Variants in AK7 observed in about 807,000 individuals in gnomAD.
AK7 encodes the protein adenylate kinase 7.
In AK7, 78 loss-of-function variants were observed where a neutral mutation model predicts 96.6. The observed-to-expected ratio is 0.81, with a 90% CI of 0.67 to 0.97. The LOEUF (loss-of-function observed/expected upper bound fraction) is 0.97. Ranked by LOEUF, AK7 falls within the 50% of genes least tolerant of loss-of-function variation. AK7 has a pLI of 0.00. For missense variants in AK7, 855 were observed against 887.9 expected (o/e 0.96, Z 0.47); for synonymous variants, 302 against 317.2 (o/e 0.95, Z 0.51).
At chr14:96,471,780 A>G (rs1325230403) in intron 13 of AK7, among the ~76,000 whole-genome samples, 174 bp downstream of exon 13, 1 of 148,066 alleles carries the variant, frequency 6.8e-6, no homozygotes, top group Non-Finnish European at 1.5e-5. Flanking sequence ...TTCCCCCTGG[A>G]TGGTGGCTCA....
intron 7 of AK7, among the ~76,000 whole-genome samples, chr14:96,444,678 C>T (rs1169441825): frequency 6.6e-6 from 1 of 151,932 alleles, no homozygotes; most frequent in Admixed American, 6.6e-5. Context: ...CAAAAAGTAG[C>T]CTAAAGTAAC....
intron 10 of AK7, among the ~76,000 whole-genome samples, chr14:96,452,489 T>C (rs1893662638): frequency 6.6e-6 from 1 of 151,614 alleles, no homozygotes; most frequent in Non-Finnish European, 1.5e-5. Flanking sequence ...TCACATCTGG[T>C]TAATTTTTGT....
At chr14:96,452,209 C>T (rs571047722) in intron 10 of AK7, among the ~76,000 whole-genome samples, 2 of 152,250 alleles carry the variant, frequency 1.3e-5, no homozygotes, top group South Asian at 4.1e-4. Context: ...ATGGCTAAAT[C>T]GAGCTAATTA....
chr14:96,483,058 A>T lies in AK7; in HGVS notation c.1813A>T (p.Ile605Phe), dbSNP rs903372294. ...RLAIKQLIKE[I>F]GEPRNYGLTD... ...TGCTATCAAACAGCTCATCAAAGAG[A>T]TTGGGGAGCCTCGAAATTATGGTTT... is the stretch of plus-strand genomic sequence containing the variant. The change falls in exon 16 of 18, where the codon ATT (isoleucine) becomes TTT (phenylalanine). Residue 605 changes from isoleucine (I) to phenylalanine (F), a missense_variant. Physicochemically the swap from Ile to Phe is conservative, Grantham distance 21. Coordinates refer to ENST00000267584, the MANE Select transcript of AK7 (RefSeq NM_152327.5). The T allele has an allele frequency of 6.2e-7, 1 of 1,614,084 alleles. No homozygotes were observed. Among genetic ancestry groups the T allele is most frequent in the African/African-American group, 1.3e-5 (1 of 74,942 alleles).
intron 14 of AK7, among the ~76,000 whole-genome samples, chr14:96,477,750 A>C (rs1895264676): frequency 6.6e-6 from 1 of 152,262 alleles, no homozygotes; most frequent in African/African-American, 2.4e-5. Context: ...TTTCATAGCC[A>C]ATGGCATTGA....
At position 96,489,074 on chromosome 14, in the gene AK7, A is replaced by G. The variant is rs974668449; in HGVS notation, c.*731A>G. On this transcript the variant is annotated 3_prime_UTR_variant, in exon 18 of 18. Coordinates refer to ENST00000267584, the MANE Select transcript of AK7 (RefSeq NM_152327.5). Reference sequence around the variant, plus strand: ...TCTAAAAATCCCATAAGATTCCTAGAATTACCCTAAATGAGAAATTAGTTT... The same window carrying G: ...TCTAAAAATCCCATAAGATTCCTAGGATTACCCTAAATGAGAAATTAGTTT... The G allele has an allele frequency of 2.0e-5, 3 of 152,224 alleles. No individual in the cohort carries two copies. Among genetic ancestry groups the G allele is most frequent in the Non-Finnish European group, 2.9e-5 (2 of 68,038 alleles). The allele number at this position is 152,224 out of a possible 1,614,324, so 9.4% of individuals were successfully genotyped here. A position where few individuals can be genotyped will look rare whatever the true frequency, so the allele number is the denominator to read the frequency against.
chr14:96,486,893 T>G lies in AK7; in HGVS notation c.1975-5T>G. 6.2e-7 allele frequency: 1 copy of G among 1,611,888 alleles called. No individual in the cohort carries two copies. Among genetic ancestry groups the G allele is most frequent in the Non-Finnish European group, 8.5e-7 (1 of 1,178,362 alleles). ...TTTACTTTACCACCAAATATTCTAT[T>G]TTAGAATAAACGACTGGAGGAAGTG... On this transcript the variant is annotated splice_region_variant and splice_polypyrimidine_tract_variant and intron_variant, in intron 16 of 17. Coordinates refer to ENST00000267584, the MANE Select transcript of AK7 (RefSeq NM_152327.5).
intron 2 of AK7, among the ~76,000 whole-genome samples, chr14:96,404,252 C>T (rs1273035020): frequency 6.6e-6 from 1 of 150,736 alleles, no homozygotes; most frequent in Non-Finnish European, 1.5e-5. Context: ...TTAAAAGTTT[C>T]TGTATTTTTA....
intron 7 of AK7, 78 bp downstream of exon 7, chr14:96,442,896 T>G: frequency 7.6e-7 from 1 of 1,314,112 alleles, no homozygotes; most frequent in African/African-American, 1.4e-5. Flanking sequence ...TTTTGAGCAT[T>G]TGCCTAGTGC....
At chr14:96,451,945 A>C (rs946407307) in intron 10 of AK7, among the ~76,000 whole-genome samples, 16 of 152,190 alleles carry the variant, frequency 1.1e-4, no homozygotes, top group African/African-American at 3.9e-4. Context: ...GAAGAATATT[A>C]AATAGGTAAA....
intron 1 of AK7, among the ~76,000 whole-genome samples, chr14:96,395,793 A>T (rs1055570558): frequency 1.1e-4 from 11 of 101,722 alleles, no homozygotes; most frequent in South Asian, 3.5e-4. Context: ...TCCCCTTTTG[A>T]TTTTGAATTT....
chr14:96,462,088 T>G (rs1894284675), intron 12 of AK7, among the ~76,000 whole-genome samples: 1 of 152,150 alleles, frequency 6.6e-6, no homozygotes, highest in South Asian at 2.1e-4. Flanking sequence ...GCCTGTCCTC[T>G]CACTCTGTTC....
intron 4 of AK7, among the ~76,000 whole-genome samples, chr14:96,418,768 C>T (rs1891503955): frequency 6.6e-6 from 1 of 152,226 alleles, no homozygotes; most frequent in Non-Finnish European, 1.5e-5. Flanking sequence ...ATCCACCCAC[C>T]TCAGCCTCCC....
rs968554061 is a variant in AK7 at position 96,437,882 on chromosome 14, A to G, written c.657A>G (p.Gly219=). Residue 219 remains glycine, a synonymous_variant, in exon 6 of 18, where the codon GGA becomes GGG. Transcript: ENST00000267584. ...TAGTTGCTGCTGGACTCCAGTATGGAGCGGAAGGAGGCATGTTACACACAT... is the reference window on the plus strand; with the variant it reads ...TAGTTGCTGCTGGACTCCAGTATGGGGCGGAAGGAGGCATGTTACACACAT... The part of the protein sequence containing the change: ...AYVVAAGLQY[G]AEGGMLHTFF... 2 of 1,613,828 alleles carry G rather than the reference A, an allele frequency of 1.2e-6. No homozygotes were observed. The highest frequency in any genetic ancestry group is 1.3e-5 in the African/African-American group (1 of 74,988).
At chr14:96,425,812 G>C (rs1891998305) in intron 5 of AK7, among the ~76,000 whole-genome samples, 1 of 152,104 alleles carries the variant, frequency 6.6e-6, no homozygotes, top group Admixed American at 6.5e-5. Context: ...TATTTTGTCT[G>C]ATATAAGTAT....
chr14:96,392,327 CA>C, intron 1 of AK7, 68 bp downstream of exon 1: 1 of 1,446,260 alleles, frequency 6.9e-7, no homozygotes, highest in Non-Finnish European at 9.6e-7. Flanking sequence ...CCCCGGTCCG[CA>C]AACCCAGCGA....
At chr14:96,392,364 G>C in intron 1 of AK7, 105 bp downstream of exon 1, 1 of 1,013,104 alleles carries the variant, frequency 9.9e-7, no homozygotes, top group Non-Finnish European at 1.5e-6. Context: ...GGCGCTGTCG[G>C]GGCCTTTCCT....
chr14:96,444,337 A>G (rs554861299), intron 7 of AK7, among the ~76,000 whole-genome samples: 10 of 152,306 alleles, frequency 6.6e-5, no homozygotes, highest in African/African-American at 2.4e-4. Flanking sequence ...TATTAATATA[A>G]CTTACTTGGC....
intron 12 of AK7, among the ~76,000 whole-genome samples, chr14:96,465,975 A>G (rs1894541065): frequency 6.8e-6 from 1 of 147,030 alleles, no homozygotes; most frequent in South Asian, 2.2e-4. Context: ...ATGCCACTGC[A>G]CTCCAGACAG....
Sources: allele counts gnomAD v4.1 joint callset (sites outside exome capture counted in the v4.1 genomes callset), GRCh38; gene constraint gnomAD v4.1.1; transcripts MANE v1.5; gene names NCBI Gene and HGNC (gene_info 2026-07-23, HGNC 2026-07-21).